Variants in TMC7 observed in about 807,000 individuals in gnomAD.
TMC7 encodes the protein transmembrane channel-like protein 7.
Under a neutral mutation model 82.9 loss-of-function variants are expected in TMC7, and 54 were observed. That is an observed-to-expected ratio of 0.65 (90% CI 0.52 to 0.82). TMC7 has a LOEUF of 0.82. TMC7 is among the 40% of genes least tolerant of loss of function. TMC7 has a pLI of 0.00. For synonymous variants in TMC7, 350 were observed against 337.9 expected, an observed-to-expected ratio of 1.04 and a Z score of -0.39; for missense variants, 820 against 901.2, an observed-to-expected ratio of 0.91 and a Z score of 1.15.
rs1959694435 is a variant in TMC7, at chr16:19,016,407, T to C, written c.312-43T>C. The C allele has an allele frequency of 2.5e-6, 4 of 1,611,482 alleles. No individual in the cohort carries two copies. In the South Asian group the frequency reaches 4.4e-5, roughly 18 times the overall value. On this transcript the variant is annotated intron_variant, in intron 2 of 15. Transcript: ENST00000304381. The stretch of plus-strand genomic sequence containing the variant: ...GCCAGGCTGGGATGCTGAGTCTTGA[T>C]GCTGCTGTTGTTGTCATTGTCATGA...
Position 19,009,136 on chromosome 16 carries a change from C to A in TMC7, c.68-36C>A, listed in dbSNP as rs754072627. ...GTTTCCTGCTTGGCTTCCGAACTCA[C>A]TGGAGTGAATGATGACTTTCTTTTC... is the stretch of plus-strand genomic sequence containing the variant. On this transcript the variant is annotated intron_variant, in intron 1 of 15. Coordinates refer to ENST00000304381, the MANE Select transcript of TMC7 (RefSeq NM_024847.4). 2.2e-5 allele frequency: 35 copies of A among 1,600,274 alleles called. No individual in the cohort carries two copies. The Admixed American group carries it at 2.2e-4, about 10-fold the overall frequency.
intron 1 of TMC7, among the ~76,000 whole-genome samples, chr16:18,994,270 G>T (rs1282830324): frequency 1.3e-5 from 2 of 149,834 alleles, no homozygotes; most frequent in East Asian, 3.9e-4. Context: ...GATTTTGAGG[G>T]CCTCTAAAAG....
Position 19,047,259 on chromosome 16 carries a change from C to T in TMC7, c.1740+10C>T, listed in dbSNP as rs779817042. 22 of 1,611,526 alleles carry T rather than the reference C, an allele frequency of 1.4e-5. No individual in the cohort carries two copies. The highest frequency in any genetic ancestry group is 6.6e-5 in the South Asian group (6 of 90,694). On this transcript the variant is annotated intron_variant, in intron 12 of 15. Coordinates refer to ENST00000304381, the MANE Select transcript of TMC7 (RefSeq NM_024847.4). ...CTTCTATGTGAAAGAGGTAAGGAGC[C>T]GGTGGGAATGGGGGCTCATATACTG...
At position 19,021,638 on chromosome 16, in the gene TMC7, G is replaced by C; in HGVS notation, c.470G>C (p.Gly157Ala). ...GGTTTGTTTTTTCCAGGGAAATTTGGCACTGGGATTCAGTCCTATTTCTCC... is the reference window on the plus strand; with the variant it reads ...GGTTTGTTTTTTCCAGGGAAATTTGCCACTGGGATTCAGTCCTATTTCTCC... Reference protein sequence around the residue: ...EDIRSIEGKFGTGIQSYFSFL... With the variant: ...EDIRSIEGKFATGIQSYFSFL... The change falls in exon 4 of 16, where the codon GGC (glycine) becomes GCC (alanine). Residue 157 changes from glycine (G) to alanine (A), a missense_variant. Transcript: ENST00000304381. 6.2e-7 allele frequency: 1 copy of C among 1,613,954 alleles called. No homozygotes were observed.
At chr16:19,023,842 A>T (rs1455696746) in intron 5 of TMC7, among the ~76,000 whole-genome samples, 1 of 152,228 alleles carries the variant, frequency 6.6e-6, no homozygotes, top group South Asian at 2.1e-4. Context: ...GAATGTTTAC[A>T]ATTTCTCTGA....
chr16:19,007,370 C>G (rs1389773737), intron 1 of TMC7, among the ~76,000 whole-genome samples: 1 of 152,154 alleles, frequency 6.6e-6, no homozygotes, highest in African/African-American at 2.4e-5. Context: ...AGCACAGGTC[C>G]TGTGCAGATT....
chr16:19,040,582 G>T, intron 9 of TMC7, 136 bp downstream of exon 9: 1 of 723,538 alleles, frequency 1.4e-6, no homozygotes. Context: ...CCTTCAGACA[G>T]CCCCCATGAA....
rs1000338140 is a variant in TMC7 at position 19,051,096 on chromosome 16, G to A, written c.1741-590G>A. 3.9e-5 allele frequency among the ~76,000 whole-genome samples: 6 copies of A among 152,114 alleles called. No homozygotes were observed. The South Asian group carries it at 6.2e-4, about 16-fold the overall frequency. The stretch of plus-strand genomic sequence containing the variant: ...TATTTAGGTTGCTTGCAGTTATTCC[G>A]TGTTATCAATGACTGTAGCGTTAAA... On this transcript the variant is annotated intron_variant, in intron 12 of 15. Coordinates refer to ENST00000304381, the MANE Select transcript of TMC7 (RefSeq NM_024847.4).
Position 19,037,917 on chromosome 16 carries a change from G to A in TMC7, c.1049G>A (p.Arg350Lys). 1.2e-6 allele frequency: 2 copies of A among 1,613,630 alleles called. No individual in the cohort carries two copies. The highest frequency in any genetic ancestry group is 1.7e-6 in the Non-Finnish European group (2 of 1,179,890). ...AGAATGCGGCAGAAAATAGCAGAAAGGACCTCAGAAGAAACAATACGCATT... is the reference window on the plus strand; with the variant it reads ...AGAATGCGGCAGAAAATAGCAGAAAAGACCTCAGAAGAAACAATACGCATT... ...EERMRQKIAERTSEETIRIYS... is the reference protein window; with the variant it reads ...EERMRQKIAEKTSEETIRIYS... Residue 350 changes from arginine (R) to lysine (K), a missense_variant, in exon 8 of 16, where the codon AGG (arginine) becomes AAG (lysine). Physicochemically the swap from Arg to Lys is conservative, Grantham distance 26 (BLOSUM62 2). Transcript: ENST00000304381.
intron 8 of TMC7, among the ~76,000 whole-genome samples, chr16:19,038,451 T>C (rs1013873314): frequency 6.6e-6 from 1 of 152,132 alleles, no homozygotes; most frequent in Non-Finnish European, 1.5e-5. Flanking sequence ...CGCCTCCACC[T>C]CCCAAAGTGC....
intron 9 of TMC7, among the ~76,000 whole-genome samples, chr16:19,040,892 C>CTT (rs113968068): frequency 9.0e-5 from 12 of 133,836 alleles, no homozygotes; most frequent in African/African-American, 1.9e-4. Flanking sequence ...TTCTTTGATT[C>CTT]TTTTTTTTTT....
At position 18,994,344 on chromosome 16, in the gene TMC7, A is replaced by G. The variant is rs1348672535; in HGVS notation, c.67+10214A>G. 3.3e-5 allele frequency among the ~76,000 whole-genome samples: 5 copies of G among 152,036 alleles called. No individual in the cohort carries two copies. In the South Asian group the frequency reaches 1.0e-3, roughly 31 times the overall value. On this transcript the variant is annotated intron_variant, in intron 1 of 15. Transcript: ENST00000304381. ...AGGGCTATGCGAAAACAGTAAGGTC[A>G]AGTTGTTTGGACAGAAAGGCTACAG...
At chr16:19,042,549 C>T (rs1277541196) in intron 9 of TMC7, among the ~76,000 whole-genome samples, 1 of 150,892 alleles carries the variant, frequency 6.6e-6, no homozygotes, top group South Asian at 2.1e-4. Context: ...ACTTTGTCGC[C>T]CAGGCTGGAA....
chr16:18,985,411 G>A (rs1277596815), intron 1 of TMC7, among the ~76,000 whole-genome samples: 5 of 152,110 alleles, frequency 3.3e-5, no homozygotes, highest in East Asian at 1.9e-4. Context: ...GATTCAATGC[G>A]AATTATTTTC....
chr16:19,059,751 C>T (rs1265084345), intron 15 of TMC7: 12 of 1,364,798 alleles, frequency 8.8e-6, no homozygotes, highest in Middle Eastern at 5.1e-4. Context: ...CCGAGGCAGG[C>T]AGATTACTTG....
intron 3 of TMC7, among the ~76,000 whole-genome samples, chr16:19,019,791 C>T (rs1016393623): frequency 1.3e-5 from 2 of 152,180 alleles, no homozygotes; most frequent in South Asian, 2.1e-4. Flanking sequence ...TTGATTTTCT[C>T]TGCAGTTACT....
intron 15 of TMC7, among the ~76,000 whole-genome samples, chr16:19,060,943 C>T (rs886670109): frequency 6.6e-6 from 1 of 151,636 alleles, no homozygotes; most frequent in South Asian, 2.1e-4. Context: ...CCCACCATCA[C>T]AACCGGCTAA....
chr16:19,059,743 G>A lies in TMC7; in HGVS notation c.2106+249G>A, dbSNP rs577733163. ...GTAATCCCAGCACTTTTGGGAGGCC[G>A]AGGCAGGCAGATTACTTGAGCTCAG... On this transcript the variant is annotated intron_variant, in intron 15 of 15. Coordinates refer to ENST00000304381, the MANE Select transcript of TMC7 (RefSeq NM_024847.4). 53 of 1,402,900 alleles carry A rather than the reference G, an allele frequency of 3.8e-5. No homozygotes were observed. In the African/African-American group the frequency reaches 4.8e-4, roughly 13 times the overall value. 86.9% of individuals were successfully genotyped at this position (1,402,900 alleles called of 1,614,324 possible).
In TMC7 at chr16:19,057,228, C is replaced by T. The variant is rs116820491; in HGVS notation, c.2027+531C>T. ...GCAAATTAAGAAAGATCACACTTAG[C>T]CCAATGCCTGGCTTATAAAAAGCTA... On this transcript the variant is annotated intron_variant, in intron 14 of 15. Transcript: ENST00000304381. Among the ~76,000 whole-genome samples the T allele has an allele frequency of 4.8e-3, 727 of 152,254 alleles. 9 individuals carry two copies. The highest frequency in any genetic ancestry group is 0.016 in the African/African-American group (684 of 41,546).
Sources: allele counts gnomAD v4.1 joint callset (sites outside exome capture counted in the v4.1 genomes callset), GRCh38; gene constraint gnomAD v4.1.1; transcripts MANE v1.5; gene names NCBI Gene and HGNC (gene_info 2026-07-23, HGNC 2026-07-21).